LETMD1: variants seen among roughly 807,000 people sequenced by gnomAD.
LETMD1 encodes the protein LETM1 domain containing 1.
A neutral mutation model predicts 43.9 loss-of-function variants in LETMD1; 30 were observed. The observed-to-expected ratio is 0.68, with a 90% CI of 0.51 to 0.93. LETMD1 has a LOEUF of 0.93. Among genes scored for constraint, LETMD1 ranks in the 40% least tolerant of loss-of-function variants. The pLI, the probability that LETMD1 is intolerant of heterozygous loss-of-function variation, is 0.00. For synonymous variants in LETMD1, 176 were observed against 163.1 expected (o/e 1.08, Z -0.60); for missense variants, 413 against 447.7 (o/e 0.92, Z 0.70).
At chr12:51,052,400 C>A in intron 3 of LETMD1, 193 bp downstream of exon 3, 1 of 556,448 alleles carries the variant, frequency 1.8e-6, no homozygotes, top group Non-Finnish European at 3.1e-6. Flanking sequence ...TTGTAGCCCT[C>A]CATAGCAAGA....
upstream of LETMD1, chr12:51,048,277 T>G: frequency 6.3e-7 from 1 of 1,589,504 alleles, no homozygotes; most frequent in Non-Finnish European, 8.6e-7. Flanking sequence ...AAAAGACGCA[T>G]GCGTCTTCGA....
chr12:51,063,880 G>A (rs1223806410), downstream of LETMD1: 1 of 1,613,976 alleles, frequency 6.2e-7, no homozygotes, highest in Non-Finnish European at 8.5e-7. Context: ...CAGGAAGGGT[G>A]GAAGTCTTCA....
chr12:51,060,495 A>G (rs1472089653), downstream of LETMD1: 2 of 152,212 alleles, frequency 1.3e-5, no homozygotes, highest in East Asian at 1.9e-4. Flanking sequence ...TGGGGATTTA[A>G]TTGGTTGGCA....
At position 51,056,232 on chromosome 12, in the gene LETMD1, A is replaced by G. The variant is rs554146914; in HGVS notation, c.749A>G (p.Gln250Arg). The part of the protein sequence containing the change: ...SNHPLGMNQL[Q>R]ALHVKALSRA... Reference sequence around the variant, plus strand: ...CATCCTCTGGGCATGAACCAACTCCAGGCTTTGCACGTGGTGAGCACTTTG... The same window carrying G: ...CATCCTCTGGGCATGAACCAACTCCGGGCTTTGCACGTGGTGAGCACTTTG... Residue 250 changes from glutamine to arginine, a missense_variant, in exon 6 of 9, where the codon CAG (glutamine) becomes CGG (arginine). Transcript: ENST00000262055. The G allele has an allele frequency of 7.4e-6, 12 of 1,614,236 alleles. No individual in the cohort carries two copies. In the South Asian group the frequency reaches 1.2e-4, roughly 16 times the overall value.
Position 51,055,821 on chromosome 12 carries a change from C to T in LETMD1, c.474-14C>T, listed in dbSNP as rs545910556. On this transcript the variant is annotated splice_polypyrimidine_tract_variant and intron_variant, in intron 4 of 8. Transcript: ENST00000262055. The stretch of plus-strand genomic sequence containing the variant: ...AGTTTCAGCAAGTGAGTTTGTGATT[C>T]TTTCTCCTTTCAGGTACCTGTTTCC... 1.3e-6 allele frequency: 2 copies of T among 1,573,660 alleles called. No individual in the cohort carries two copies. Among genetic ancestry groups the T allele is most frequent in the East Asian group, 2.3e-5 (1 of 44,444 alleles).
downstream of LETMD1, among the ~76,000 whole-genome samples, chr12:51,060,833 C>T (rs532458496): frequency 1.6e-4 from 23 of 142,892 alleles, no homozygotes; most frequent in African/African-American, 5.8e-4. Context: ...ACCCGGGAGG[C>T]GGAGCTTGCA....
intron 2 of LETMD1, among the ~76,000 whole-genome samples, chr12:51,051,710 A>G (rs1229385410): frequency 6.6e-6 from 1 of 152,210 alleles, no homozygotes; most frequent in African/African-American, 2.4e-5. Context: ...CCATCTCAAA[A>G]AAAAGAAAAA....
chr12:51,066,297 AC>A, the LETMD1 span, among the ~76,000 whole-genome samples: 1 of 151,920 alleles, frequency 6.6e-6, no homozygotes, highest in African/African-American at 2.4e-5. Context: ...TACTAAAAAT[AC>A]AAAAATTAGC....
At chr12:51,050,665 C>T (rs779219369) in intron 2 of LETMD1, among the ~76,000 whole-genome samples, 2 of 151,922 alleles carry the variant, frequency 1.3e-5, no homozygotes, top group Non-Finnish European at 2.9e-5. Flanking sequence ...TGAAGACAAT[C>T]GAGACATCAT....
At chr12:51,062,363 A>G (rs1032988745), downstream of LETMD1, 1 of 152,204 alleles carries the variant, frequency 6.6e-6, no homozygotes, top group Non-Finnish European at 1.5e-5. Flanking sequence ...TTTGCTCCCT[A>G]CTGCCTCCAT....
chr12:51,059,911 G>T lies in LETMD1; in HGVS notation c.*480G>T. 6.3e-6 allele frequency: 1 copy of T among 158,432 alleles called. No homozygotes were observed. The highest frequency in any genetic ancestry group is 1.9e-4 in the South Asian group (1 of 5,366). The allele number at this position is 158,432 out of a possible 1,614,324, so 9.8% of individuals were successfully genotyped here. A position where few individuals can be genotyped will look rare whatever the true frequency, so the allele number is the denominator to read the frequency against. ...AGCACATGTGTCCGTGCATGTACTT[G>T]GGTGTTTCCCTCCATCCTTTCTGAT... On this transcript the variant is annotated 3_prime_UTR_variant, in exon 9 of 9. Coordinates refer to ENST00000262055, the MANE Select transcript of LETMD1 (RefSeq NM_015416.5).
downstream of LETMD1, chr12:51,061,642 T>TA (rs1948833944): frequency 6.6e-6 from 1 of 152,490 alleles, no homozygotes; most frequent in Admixed American, 6.5e-5. Context: ...GGGATGGACT[T>TA]AAATTAAGAA....
chr12:51,055,554 A>G (rs796754207), intron 4 of LETMD1: 54 of 283,776 alleles, frequency 1.9e-4, no homozygotes, highest in African/African-American at 1.1e-3. Context: ...AGTCCCAGCT[A>G]CTCAGTAGGC....
chr12:51,050,559 G>A (rs1945776708), intron 2 of LETMD1, among the ~76,000 whole-genome samples: 2 of 151,916 alleles, frequency 1.3e-5, no homozygotes, highest in Non-Finnish European at 2.9e-5. Context: ...CAGATGTAGA[G>A]AGAGTAGTGT....
downstream of LETMD1, chr12:51,064,337 G>A (rs1937885353): frequency 6.2e-7 from 1 of 1,614,076 alleles, no homozygotes. Flanking sequence ...AGTCCAGGCT[G>A]GCACTAGAGC....
downstream of LETMD1, among the ~76,000 whole-genome samples, chr12:51,065,033 T>C (rs767195105): frequency 2.6e-5 from 4 of 152,168 alleles, no homozygotes; most frequent in Non-Finnish European, 4.4e-5. Context: ...CAGAGGAAAT[T>C]TACGAGCCTC....
rs1406775046 is a variant in LETMD1, at chr12:51,058,066, T to C, written c.950T>C (p.Ile317Thr). The C allele has an allele frequency of 6.2e-7, 1 of 1,613,716 alleles. No individual in the cohort carries two copies. Among genetic ancestry groups the C allele is most frequent in the Non-Finnish European group, 8.5e-7 (1 of 1,179,598 alleles). ...CTCCGTGGCCTGAATTCTACGCATA[T>C]TGGTGAAGATAGGTGTCGAACTTGG... ...CYLRGLNSTH[I>T]GEDRCRTWLG... is the part of the protein sequence containing the mutation. The change falls in exon 8 of 9, where the codon ATT becomes ACT. Residue 317 changes from isoleucine (I) to threonine (T), a missense_variant. Physicochemically the swap from Ile to Thr is moderately conservative, Grantham distance 89. Coordinates refer to ENST00000262055, the MANE Select transcript of LETMD1 (RefSeq NM_015416.5).
In LETMD1 at chr12:51,053,869, A is replaced by G. The variant is rs371744591; in HGVS notation, c.473+9A>G. ...CTGGTCTTCTTGCTAATGTGAGTACAGACTTCCATCTCCCCAACATCTTGA... is the reference window on the plus strand; with the variant it reads ...CTGGTCTTCTTGCTAATGTGAGTACGGACTTCCATCTCCCCAACATCTTGA... On this transcript the variant is annotated intron_variant, in intron 4 of 8. Coordinates refer to ENST00000262055, the MANE Select transcript of LETMD1 (RefSeq NM_015416.5). 7 of 1,561,180 alleles carry G rather than the reference A, an allele frequency of 4.5e-6. No individual in the cohort carries two copies. The highest frequency in any genetic ancestry group is 1.7e-4 in the Middle Eastern group (1 of 5,942).
At position 51,059,353 on chromosome 12, in the gene LETMD1, G is replaced by A; in HGVS notation, c.1013-8G>A. ...TCCCAAGCCAAACCACTAACACTGT[G>A]TTTTCAGAAGCTGAGCTGTCTCTCT... On this transcript the variant is annotated splice_polypyrimidine_tract_variant and splice_region_variant and intron_variant, in intron 8 of 8. Coordinates refer to ENST00000262055, the MANE Select transcript of LETMD1 (RefSeq NM_015416.5). 6.2e-7 allele frequency: 1 copy of A among 1,614,028 alleles called. No individual in the cohort carries two copies. The highest frequency in any genetic ancestry group is 8.5e-7 in the Non-Finnish European group (1 of 1,179,872).
Sources: gnomAD v4.1 joint callset for allele counts (sites outside exome capture counted in the v4.1 genomes callset) on GRCh38, gnomAD v4.1.1 for gene constraint, MANE v1.5 for transcripts, NCBI Gene and HGNC (gene_info 2026-07-23, HGNC 2026-07-21) for gene names.